KCND2: variants seen among roughly 807,000 people sequenced by gnomAD.
The protein encoded by KCND2 is potassium voltage-gated channel subfamily D member 2, also known as A-type voltage-gated potassium channel KCND2.
KCND2 carries 16 observed loss-of-function variants against 54.4 expected under a neutral mutation model. The observed-to-expected ratio is 0.29, with a 90% CI of 0.20 to 0.45. KCND2 has a LOEUF of 0.45. KCND2 is among the 20% of genes least tolerant of loss of function. The probability of loss-of-function intolerance (pLI) is 1.00; values close to 1 mark genes in which losing one functional copy is unlikely to be tolerated. For missense variants in KCND2, 486 were observed against 824.2 expected (o/e 0.59, Z 5.02); for synonymous variants, 317 against 310.7 (o/e 1.02, Z -0.21).
At chr7:120,707,332 T>C (rs1249962742) in intron 1 of KCND2, among the ~76,000 whole-genome samples, 1 of 152,126 alleles carries the variant, frequency 6.6e-6, no homozygotes, top group Non-Finnish European at 1.5e-5. Context: ...GGGTGGTAAG[T>C]GTCAGTCTGG....
At chr7:120,512,613 A>G (rs1803135517) in intron 1 of KCND2, among the ~76,000 whole-genome samples, 1 of 152,028 alleles carries the variant, frequency 6.6e-6, no homozygotes, top group South Asian at 2.1e-4. Context: ...AAATATGTAG[A>G]CGGGTTCATT....
intron 1 of KCND2, among the ~76,000 whole-genome samples, chr7:120,444,300 G>A (rs1470065560): frequency 1.3e-5 from 2 of 152,100 alleles, no homozygotes; most frequent in Non-Finnish European, 2.9e-5. Flanking sequence ...CCACCAGAGG[G>A]AAAGTTAGAG....
intron 1 of KCND2, among the ~76,000 whole-genome samples, chr7:120,389,164 C>T (rs1216636076): frequency 6.6e-6 from 1 of 151,686 alleles, no homozygotes; most frequent in Non-Finnish European, 1.5e-5. Flanking sequence ...ATTCATATAG[C>T]GCTTTTGGTA....
intron 1 of KCND2, among the ~76,000 whole-genome samples, chr7:120,542,776 G>A (rs560561305): frequency 1.3e-5 from 2 of 152,234 alleles, no homozygotes; most frequent in Admixed American, 1.3e-4. Flanking sequence ...GGAAGAGATG[G>A]TGAATACCAA....
At chr7:120,502,753 G>C (rs1802955107) in intron 1 of KCND2, among the ~76,000 whole-genome samples, 1 of 151,996 alleles carries the variant, frequency 6.6e-6, no homozygotes, top group Non-Finnish European at 1.5e-5. Context: ...GTAGGTGCTG[G>C]ACTCTAATTT....
At chr7:120,399,372 A>AG (rs1328253599) in intron 1 of KCND2, among the ~76,000 whole-genome samples, 1 of 151,812 alleles carries the variant, frequency 6.6e-6, no homozygotes, top group Non-Finnish European at 1.5e-5. Flanking sequence ...AAAAACATAG[A>AG]GAAAAAAACA....
At chr7:120,291,766 A>G (rs1225045913) in intron 1 of KCND2, among the ~76,000 whole-genome samples, 1 of 151,902 alleles carries the variant, frequency 6.6e-6, no homozygotes, top group East Asian at 1.9e-4. Context: ...TTTTTATGAT[A>G]GAAAATTTGT....
At chr7:120,605,618 G>A (rs1303690009) in intron 1 of KCND2, among the ~76,000 whole-genome samples, 1 of 152,072 alleles carries the variant, frequency 6.6e-6, no homozygotes, top group South Asian at 2.1e-4. Flanking sequence ...GGCAACTCAA[G>A]GTTTAACTTT....
chr7:120,331,087 G>C (rs1229372005), intron 1 of KCND2, among the ~76,000 whole-genome samples: 1 of 151,812 alleles, frequency 6.6e-6, no homozygotes, highest in Non-Finnish European at 1.5e-5. Context: ...ATTTTCTTAG[G>C]TTTTGATATA....
In KCND2 at chr7:120,561,837, C is replaced by T. The variant is rs929061998; in HGVS notation, c.1116-171066C>T. On this transcript the variant is annotated intron_variant, in intron 1 of 5. Coordinates refer to ENST00000331113, the MANE Select transcript of KCND2 (RefSeq NM_012281.3). ...ATGTTAGTCAGGCTGGCCGCGAACT[C>T]CTTACCTCAGGTGATCCACCTGCCT... Among the ~76,000 whole-genome samples the T allele has an allele frequency of 2.0e-5, 3 of 152,028 alleles. No homozygotes were observed. In the South Asian group the frequency reaches 6.2e-4, roughly 31 times the overall value.
At chr7:120,341,023 A>G (rs1308255485) in intron 1 of KCND2, among the ~76,000 whole-genome samples, 1 of 152,202 alleles carries the variant, frequency 6.6e-6, no homozygotes, top group African/African-American at 2.4e-5. Context: ...GTATTTGTGC[A>G]TAAGGGAAGG....
chr7:120,587,156 C>CGA (rs1405767447), intron 1 of KCND2, among the ~76,000 whole-genome samples: 1 of 152,092 alleles, frequency 6.6e-6, no homozygotes, highest in Non-Finnish European at 1.5e-5. Context: ...AAACAAAATG[C>CGA]TCATGTCTTC....
intron 1 of KCND2, among the ~76,000 whole-genome samples, chr7:120,498,190 G>C (rs1802877181): frequency 6.6e-6 from 1 of 152,150 alleles, no homozygotes; most frequent in Non-Finnish European, 1.5e-5. Context: ...AATAGTAGCA[G>C]TATATTAAGG....
intron 1 of KCND2, among the ~76,000 whole-genome samples, chr7:120,356,449 A>G (rs1800506569): frequency 6.6e-6 from 1 of 152,162 alleles, no homozygotes; most frequent in Non-Finnish European, 1.5e-5. Context: ...ATCATAAATA[A>G]ATACTTTGAA....
chr7:120,549,477 C>T (rs1307617470), intron 1 of KCND2, among the ~76,000 whole-genome samples: 4 of 152,170 alleles, frequency 2.6e-5, no homozygotes, highest in Non-Finnish European at 5.9e-5. Flanking sequence ...TCTTTGCACA[C>T]TCAGTGTTTG....
chr7:120,294,364 G>A (rs925630894), intron 1 of KCND2, among the ~76,000 whole-genome samples: 1 of 151,710 alleles, frequency 6.6e-6, no homozygotes, highest in African/African-American at 2.4e-5. Context: ...CAGCAATAAC[G>A]AATATATTTA....
At chr7:120,596,968 G>A (rs1792753794) in intron 1 of KCND2, among the ~76,000 whole-genome samples, 1 of 152,184 alleles carries the variant, frequency 6.6e-6, no homozygotes, top group Non-Finnish European at 1.5e-5. Context: ...AGAAAACTTA[G>A]ACTTGAAGAC....
chr7:120,457,002 C>CA (rs1022393948), intron 1 of KCND2, among the ~76,000 whole-genome samples: 1 of 152,234 alleles, frequency 6.6e-6, no homozygotes, highest in African/African-American at 2.4e-5. Context: ...GCAGGGCCAA[C>CA]ACCATGTGGA....
chr7:120,332,455 TG>T (rs1800082472), intron 1 of KCND2, among the ~76,000 whole-genome samples: 1 of 152,112 alleles, frequency 6.6e-6, no homozygotes, highest in African/African-American at 2.4e-5. Flanking sequence ...AGTAGGTAGA[TG>T]TGGTTGACAT....
Sources: allele counts gnomAD v4.1 joint callset (sites outside exome capture counted in the v4.1 genomes callset), GRCh38; gene constraint gnomAD v4.1.1; transcripts MANE v1.5; gene names NCBI Gene and HGNC (gene_info 2026-07-23, HGNC 2026-07-21).